ZNF667: variants seen among roughly 807,000 people sequenced by gnomAD.
The protein encoded by ZNF667 is zinc finger protein 667, also known as myocardial ischemic preconditioning upregulated 1 ortholog.
In ZNF667, 13 loss-of-function variants were observed where a neutral mutation model predicts 31.8. That is an observed-to-expected ratio of 0.41 (90% CI 0.27 to 0.65). The LOEUF is 0.65. Ranked by LOEUF, ZNF667 falls within the 30% of genes least tolerant of loss-of-function variation. The pLI is 0.32. For synonymous variants in ZNF667, 228 were observed against 247.1 expected (o/e 0.92, Z 0.73); for missense variants, 642 against 725.6 (o/e 0.88, Z 1.32).
chr19:56,464,287 A>G (rs1359865136), intron 3 of ZNF667, among the ~76,000 whole-genome samples: 4 of 152,264 alleles, frequency 2.6e-5, no homozygotes, highest in African/African-American at 9.6e-5. Flanking sequence ...TGAGCCTAAG[A>G]GTTTGAGAGC....
At chr19:56,462,312 C>A (rs1396887529) in intron 4 of ZNF667, 26 bp downstream of exon 4, 1 of 1,613,886 alleles carries the variant, frequency 6.2e-7, no homozygotes, top group Non-Finnish European at 8.5e-7. Context: ...TGGGGTGTTC[C>A]GGAAGGAAGA....
At chr19:56,470,487 G>A (rs920100464) in intron 3 of ZNF667, among the ~76,000 whole-genome samples, 1 of 152,170 alleles carries the variant, frequency 6.6e-6, no homozygotes, top group Non-Finnish European at 1.5e-5. Flanking sequence ...GGGGATGAGA[G>A]AGGGACGATG....
intron 6 of ZNF667, among the ~76,000 whole-genome samples, chr19:56,454,322 A>G (rs530601928): frequency 2.0e-5 from 3 of 152,288 alleles, no homozygotes; most frequent in Admixed American, 6.5e-5. Flanking sequence ...AGAAATAGAA[A>G]AGGTAATCCT....
intron 5 of ZNF667, among the ~76,000 whole-genome samples, chr19:56,459,970 G>A (rs919687505): frequency 3.3e-5 from 5 of 151,602 alleles, no homozygotes; most frequent in African/African-American, 7.3e-5. Context: ...CCAGCCTGGC[G>A]AAAGAGCAAG....
At chr19:56,463,675 C>G (rs962955067) in intron 3 of ZNF667, among the ~76,000 whole-genome samples, 14 of 151,984 alleles carry the variant, frequency 9.2e-5, no homozygotes, top group Admixed American at 9.2e-4. Context: ...CCACAGGCAC[C>G]TGCCACCACA....
intron 3 of ZNF667, chr19:56,467,031 G>T: frequency 2.2e-6 from 1 of 456,628 alleles, no homozygotes; most frequent in Non-Finnish European, 4.4e-6. Flanking sequence ...CCTCTCTTAT[G>T]GTCTGGATTG....
At chr19:56,443,294 ATTC>A (rs1368893571) in intron 6 of ZNF667, among the ~76,000 whole-genome samples, 1 of 152,196 alleles carries the variant, frequency 6.6e-6, no homozygotes, top group Non-Finnish European at 1.5e-5. Flanking sequence ...TAAAAAATGT[ATTC>A]TTAAGATCAA....
At chr19:56,451,474 G>C (rs1402062550) in intron 6 of ZNF667, among the ~76,000 whole-genome samples, 1 of 152,124 alleles carries the variant, frequency 6.6e-6, no homozygotes, top group African/African-American at 2.4e-5. Flanking sequence ...GATATTTACA[G>C]ACAATTTCAT....
chr19:56,470,737 C>T (rs908834916), intron 3 of ZNF667, among the ~76,000 whole-genome samples: 2 of 152,040 alleles, frequency 1.3e-5, no homozygotes, highest in African/African-American at 2.4e-5. Flanking sequence ...GACTGAGGAG[C>T]GAGGGCTCGG....
rs948888121 is a variant in ZNF667 at position 56,439,678 on chromosome 19, G to C, written c.*1484C>G. The C allele has an allele frequency of 6.6e-6, 1 of 152,416 alleles. No individual in the cohort carries two copies. The highest frequency in any genetic ancestry group is 2.1e-4 in the South Asian group (1 of 4,826). 9.4% of individuals were successfully genotyped at this position (152,416 alleles called of 1,614,324 possible). A position where few individuals can be genotyped will look rare whatever the true frequency, so the allele number is the denominator to read the frequency against. Reference sequence around the variant, plus strand: ...AGGCTTTCTGATGTCTTTTTGAGACGTAGTCTCGCTCTGTCGCCCAGGGTG... The same window carrying C: ...AGGCTTTCTGATGTCTTTTTGAGACCTAGTCTCGCTCTGTCGCCCAGGGTG... On this transcript the variant is annotated 3_prime_UTR_variant, in exon 7 of 7. Transcript: ENST00000504904.
chr19:56,475,560 G>C (rs2043387986), intron 1 of ZNF667: 1 of 151,984 alleles, frequency 6.6e-6, no homozygotes, highest in South Asian at 2.1e-4. Context: ...GTGTGCTACT[G>C]GCCTGGTAAA....
In ZNF667 at chr19:56,442,176, T is replaced by G; in HGVS notation, c.819A>C (p.Lys273Asn). The part of the protein sequence containing the change: ...NQMSSLLLHK[K>N]IHNGKKTHKY... ...TATGTGTTTTCTTTCCATTGTGAAT[T>G]TTCTTATGAAGTAAAAGGGATGACA... is the stretch of plus-strand genomic sequence containing the variant. Residue 273 changes from lysine (K) to asparagine (N), a missense_variant, in exon 7 of 7, where the codon AAA (lysine) becomes AAC (asparagine). Coordinates refer to ENST00000504904, the MANE Select transcript of ZNF667 (RefSeq NM_001321356.2). 6.2e-7 allele frequency: 1 copy of G among 1,613,644 alleles called. No homozygotes were observed. Among genetic ancestry groups the G allele is most frequent in the South Asian group, 1.1e-5 (1 of 90,976 alleles).
chr19:56,465,280 T>G (rs113623268), intron 3 of ZNF667, among the ~76,000 whole-genome samples: 1 of 152,316 alleles, frequency 6.6e-6, no homozygotes, highest in African/African-American at 2.4e-5. Context: ...TTCGTCCCCG[T>G]AGGGGTGGAG....
chr19:56,470,995 C>T (rs1568455757), intron 3 of ZNF667, among the ~76,000 whole-genome samples: 1 of 152,134 alleles, frequency 6.6e-6, no homozygotes, highest in Non-Finnish European at 1.5e-5. Context: ...CCATCCAAAT[C>T]CCATGTTTAA....
chr19:56,454,781 A>G (rs1231781695), intron 6 of ZNF667, among the ~76,000 whole-genome samples: 2 of 151,690 alleles, frequency 1.3e-5, no homozygotes, highest in Non-Finnish European at 2.9e-5. Context: ...TTTCTTGAGT[A>G]ATACCCCACA....
chr19:56,441,834 T>C lies in ZNF667; in HGVS notation c.1161A>G (p.Arg387=). The C allele has an allele frequency of 1.2e-6, 2 of 1,614,140 alleles. No homozygotes were observed. The highest frequency in any genetic ancestry group is 8.5e-7 in the Non-Finnish European group (1 of 1,180,030). ...TGCAGACCTTCTCACATTTATTGCA[T>C]CTGTATAGTTTTTCTCCATTATGAA... ...LRIHNGEKLY[R]CNKCEKVCNR... is the part of the protein sequence containing the mutation. The change falls in exon 7 of 7, where the codon AGA becomes AGG. Residue 387 remains arginine (R), a synonymous_variant. Transcript: ENST00000504904. This position sits in a 1 kb window ranked among gnomAD's most constrained non-coding sequence, Gnocchi z 4.2.
intron 6 of ZNF667, among the ~76,000 whole-genome samples, chr19:56,457,430 C>A (rs892389814): frequency 8.5e-5 from 13 of 152,136 alleles, no homozygotes; most frequent in Non-Finnish European, 1.8e-4. Context: ...GGGCCTCAAA[C>A]CCTCCTCTGC....
chr19:56,446,963 A>G (rs2042722117), intron 6 of ZNF667, among the ~76,000 whole-genome samples: 1 of 152,090 alleles, frequency 6.6e-6, no homozygotes, highest in Non-Finnish European at 1.5e-5. Flanking sequence ...CCATCTCCCC[A>G]TCTTCAATGT....
chr19:56,475,679 A>C (rs1189882897), intron 1 of ZNF667: 2 of 152,232 alleles, frequency 1.3e-5, no homozygotes, highest in African/African-American at 4.8e-5. Context: ...CAAGGCTGTG[A>C]AACACTGGTC....
Sources: allele counts gnomAD v4.1 joint callset (sites outside exome capture counted in the v4.1 genomes callset), GRCh38; gene constraint gnomAD v4.1.1; non-coding constraint Gnocchi (gnomAD v3.1); transcripts MANE v1.5; gene names NCBI Gene and HGNC (gene_info 2026-07-23, HGNC 2026-07-21).